Variants in ADAMTS12 observed in about 807,000 individuals in gnomAD.
ADAMTS12 encodes the protein ADAM metallopeptidase with thrombospondin type 1 motif 12, also known as A disintegrin and metalloproteinase with thrombospondin motifs 12.
ADAMTS12 carries 118 observed loss-of-function variants against 167.8 expected under a neutral mutation model. That is an observed-to-expected ratio of 0.70 (90% CI 0.61 to 0.82). The LOEUF is 0.82. Ranked by LOEUF, ADAMTS12 falls within the 40% of genes least tolerant of loss-of-function variation. ADAMTS12 has a pLI of 0.00. For missense variants in ADAMTS12, 1,916 were observed against 1,998.8 expected (o/e 0.96, Z 0.79); for synonymous variants, 704 against 716.9 (o/e 0.98, Z 0.29).
intron 3 of ADAMTS12, among the ~76,000 whole-genome samples, chr5:33,692,962 C>T (rs1336066271): frequency 2.0e-5 from 3 of 152,266 alleles, no homozygotes; most frequent in South Asian, 2.1e-4. Flanking sequence ...TGCTTGGAAA[C>T]CTCATATGTA....
chr5:33,874,803 C>T (rs1405073966), intron 2 of ADAMTS12, among the ~76,000 whole-genome samples: 1 of 152,206 alleles, frequency 6.6e-6, no homozygotes, highest in East Asian at 1.9e-4. Flanking sequence ...GGTGCAGTGG[C>T]TCACACCTGT....
chr5:33,718,602 G>C (rs557201006), intron 3 of ADAMTS12, among the ~76,000 whole-genome samples: 5 of 152,024 alleles, frequency 3.3e-5, no homozygotes, highest in African/African-American at 1.2e-4. Flanking sequence ...CATGAAATCA[G>C]TCCTTGATGC....
intron 3 of ADAMTS12, among the ~76,000 whole-genome samples, chr5:33,716,205 G>A (rs1248956180): frequency 2.0e-5 from 3 of 152,068 alleles, no homozygotes; most frequent in African/African-American, 7.2e-5. Flanking sequence ...CTTCTACCAT[G>A]TGGAGACACA....
chr5:33,778,019 GAAA>G (rs1467202385), intron 2 of ADAMTS12, among the ~76,000 whole-genome samples: 1 of 151,900 alleles, frequency 6.6e-6, no homozygotes, highest in African/African-American at 2.4e-5. Context: ...GAAAGAAATT[GAAA>G]AAGACATAAA....
intron 19 of ADAMTS12, among the ~76,000 whole-genome samples, chr5:33,574,438 T>G (rs1746566207): frequency 6.6e-6 from 1 of 152,198 alleles, no homozygotes; most frequent in African/African-American, 2.4e-5. Flanking sequence ...TGAGTTCATG[T>G]CCTTTGTAGG....
intron 7 of ADAMTS12, 91 bp from the exon 8 acceptor site, chr5:33,649,788 A>C: frequency 6.1e-4 from 907 of 1,498,920 alleles, no homozygotes; most frequent in Non-Finnish European, 7.4e-4. Flanking sequence ...GTAATAACTC[A>C]CAGACAGCCA....
rs1217757443 is a variant in ADAMTS12, at chr5:33,580,131, T to C, written c.2866-2971A>G. 9.2e-5 allele frequency among the ~76,000 whole-genome samples: 14 copies of C among 152,336 alleles called. No individual in the cohort carries two copies. In the East Asian group the frequency reaches 2.7e-3, roughly 29 times the overall value. The stretch of plus-strand genomic sequence containing the variant: ...TAAGTAATCTTACTGATGGTGTGAA[T>C]TTGCTCAACCTAAAAGGGTAAGGCA... On this transcript the variant is annotated intron_variant, in intron 18 of 23. Coordinates refer to ENST00000504830, the MANE Select transcript of ADAMTS12 (RefSeq NM_030955.4).
At chr5:33,574,970 G>T (rs758984000) in intron 19 of ADAMTS12, among the ~76,000 whole-genome samples, 1 of 152,058 alleles carries the variant, frequency 6.6e-6, no homozygotes, top group Non-Finnish European at 1.5e-5. Flanking sequence ...TAACAAGTTT[G>T]TATACTGCAT....
intron 2 of ADAMTS12, among the ~76,000 whole-genome samples, chr5:33,812,165 T>A: frequency 6.6e-6 from 1 of 152,106 alleles, no homozygotes; most frequent in Admixed American, 6.5e-5. Context: ...GATATGTGCC[T>A]GTGGTCCCAG....
intron 2 of ADAMTS12, among the ~76,000 whole-genome samples, chr5:33,869,414 C>T (rs866943596): frequency 6.6e-6 from 1 of 151,994 alleles, no homozygotes; most frequent in African/African-American, 2.4e-5. Context: ...GTAGAGCCCT[C>T]ATGGAGATCC....
chr5:33,844,904 T>C (rs1250976589), intron 2 of ADAMTS12, among the ~76,000 whole-genome samples: 10 of 152,184 alleles, frequency 6.6e-5, no homozygotes, highest in Admixed American at 6.6e-4. Context: ...GGCCGATGCT[T>C]ATGGAAAATA....
intron 3 of ADAMTS12, among the ~76,000 whole-genome samples, chr5:33,740,006 C>T (rs1043509545): frequency 1.3e-5 from 2 of 152,272 alleles, no homozygotes; most frequent in African/African-American, 4.8e-5. Context: ...ACTGCTGAAT[C>T]GAAACAGAAA....
chr5:33,682,622 G>C lies in ADAMTS12; in HGVS notation c.915+396C>G, dbSNP rs62352062. Among the ~76,000 whole-genome samples, 4 of 152,262 alleles carry C rather than the reference G, an allele frequency of 2.6e-5. No individual in the cohort carries two copies. The South Asian group carries it at 8.3e-4, about 32-fold the overall frequency. The stretch of plus-strand genomic sequence containing the variant: ...AGACAAGAGGTCCCAAATCTGAGAG[G>C]CTTGTGTTAAATATGCAAGAAGTAA... On this transcript the variant is annotated intron_variant, in intron 5 of 23. Coordinates refer to ENST00000504830, the MANE Select transcript of ADAMTS12 (RefSeq NM_030955.4).
intron 2 of ADAMTS12, among the ~76,000 whole-genome samples, chr5:33,793,061 C>T (rs1426437734): frequency 6.6e-6 from 1 of 152,232 alleles, no homozygotes; most frequent in African/African-American, 2.4e-5. Flanking sequence ...GGATGTGTGC[C>T]ACAGTGGATC....
At chr5:33,534,544 C>A (rs1460459360) in intron 23 of ADAMTS12, among the ~76,000 whole-genome samples, 1 of 151,970 alleles carries the variant, frequency 6.6e-6, no homozygotes, top group Non-Finnish European at 1.5e-5. Flanking sequence ...AATTCTCATC[C>A]ATGTTGGATG....
At chr5:33,826,513 C>A in intron 2 of ADAMTS12, among the ~76,000 whole-genome samples, 1 of 151,658 alleles carries the variant, frequency 6.6e-6, no homozygotes, top group East Asian at 1.9e-4. Context: ...CATGTATATG[C>A]ATGAATATAT....
At chr5:33,687,758 T>C (rs1047729329) in intron 3 of ADAMTS12, among the ~76,000 whole-genome samples, 31 of 152,326 alleles carry the variant, frequency 2.0e-4, no homozygotes, top group African/African-American at 7.5e-4. Context: ...GGAGTTCTAG[T>C]GAAATCTCAG....
chr5:33,656,639 T>G (rs115601185), intron 7 of ADAMTS12, among the ~76,000 whole-genome samples: 1 of 152,220 alleles, frequency 6.6e-6, no homozygotes, highest in Non-Finnish European at 1.5e-5. Flanking sequence ...ATTGTTGGGA[T>G]GGCTTGAGTG....
At chr5:33,721,584 T>G (rs1008215375) in intron 3 of ADAMTS12, among the ~76,000 whole-genome samples, 2 of 152,160 alleles carry the variant, frequency 1.3e-5, no homozygotes, top group African/African-American at 4.8e-5. Context: ...GTTGATATTT[T>G]AAGGGCCGCA....
Sources: gnomAD v4.1 joint callset for allele counts (sites outside exome capture counted in the v4.1 genomes callset) on GRCh38, gnomAD v4.1.1 for gene constraint, MANE v1.5 for transcripts, NCBI Gene and HGNC (gene_info 2026-07-23, HGNC 2026-07-21) for gene names.